The following KCNAB2 variants were observed in gnomAD, a reference collection of about 807,000 sequenced individuals.
KCNAB2 encodes the protein potassium voltage-gated channel subfamily A regulatory beta subunit 2, also known as voltage-gated potassium channel subunit beta-2.
KCNAB2 carries 29 observed loss-of-function variants against 63.6 expected under a neutral mutation model. That is an observed-to-expected ratio of 0.46 (90% confidence interval 0.34 to 0.62). KCNAB2 has a LOEUF of 0.62. Ranked by LOEUF, KCNAB2 falls within the 20% of genes least tolerant of loss-of-function variation. The pLI is 0.01. For synonymous variants in KCNAB2, 222 were observed against 224.2 expected (o/e 0.99, Z 0.09); for missense variants, 359 against 563.9 (o/e 0.64, Z 3.68).
chr1:6,031,227 T>A (rs1659604408), upstream of KCNAB2, among the ~76,000 whole-genome samples: 1 of 152,166 alleles, frequency 6.6e-6, no homozygotes, highest in South Asian at 2.1e-4. The surrounding 1 kb of genome is among the most constrained non-coding windows in gnomAD (Gnocchi z 4.1). Flanking sequence ...TTTATTTCCT[T>A]CTCTCACCTG....
chr1:6,046,207 C>T lies in KCNAB2; in HGVS notation c.-27+24C>T, dbSNP rs1660909670. ...AGGTGAGTCCTCCCTTCAGCCGCTA[C>T]CTTCCTAGTGGAGATGCCGCTTGGG... On this transcript the variant is annotated intron_variant, in intron 1 of 15. Coordinates refer to ENST00000378083, the MANE Select transcript of KCNAB2 (RefSeq NM_001199862.2). 3.0e-6 allele frequency: 3 copies of T among 985,192 alleles called. No homozygotes were observed. In the African/African-American group the frequency reaches 5.2e-5, roughly 17 times the overall value. 61.0% of individuals were successfully genotyped at this position (985,192 alleles called of 1,614,324 possible).
intron 1 of KCNAB2, among the ~76,000 whole-genome samples, chr1:5,998,176 C>T (rs763717859): frequency 6.6e-6 from 1 of 152,216 alleles, no homozygotes; most frequent in Admixed American, 6.5e-5. Context: ...AGGCCCAGTG[C>T]GGTCACAGGC....
At chr1:6,022,652 C>G (rs904643624) in intron 1 of KCNAB2, among the ~76,000 whole-genome samples, 1 of 152,150 alleles carries the variant, frequency 6.6e-6, no homozygotes, top group African/African-American at 2.4e-5. Context: ...CCCATTCCCC[C>G]TCCCCTGCCC....
At chr1:6,008,921 A>G (rs1042981446) in intron 1 of KCNAB2, among the ~76,000 whole-genome samples, 1 of 152,232 alleles carries the variant, frequency 6.6e-6, no homozygotes, top group Non-Finnish European at 1.5e-5. Context: ...GTGAGACCCC[A>G]GAGCAGCCCT....
chr1:5,998,558 C>T (rs1289592954), intron 1 of KCNAB2, among the ~76,000 whole-genome samples: 4 of 152,078 alleles, frequency 2.6e-5, no homozygotes, highest in Non-Finnish European at 5.9e-5. Flanking sequence ...GCCAAGGGTA[C>T]GGGTTTGAGA....
chr1:6,050,529 A>T (rs1399641102), intron 1 of KCNAB2, among the ~76,000 whole-genome samples: 1 of 152,242 alleles, frequency 6.6e-6, no homozygotes, highest in Non-Finnish European at 1.5e-5. Context: ...CGTTCTGGAC[A>T]CACGCTTTCT....
intron 13 of KCNAB2, 115 bp downstream of exon 13, chr1:6,095,739 CCCA>C: frequency 1.1e-6 from 1 of 951,082 alleles, no homozygotes; most frequent in Admixed American, 2.0e-5. Flanking sequence ...TGCAGCTGTT[CCCA>C]CCTCGGTCTG....
chr1:6,082,335 A>G, intron 5 of KCNAB2, 61 bp downstream of exon 5: 1 of 1,324,446 alleles, frequency 7.6e-7, no homozygotes, highest in Non-Finnish European at 1.1e-6. Flanking sequence ...CCGGAGCTAC[A>G]GGGATTCCTG....
chr1:6,044,969 C>T (rs1021107728), upstream of KCNAB2, among the ~76,000 whole-genome samples: 6 of 152,204 alleles, frequency 3.9e-5, no homozygotes, highest in Non-Finnish European at 8.8e-5. Context: ...GCAGCTACCA[C>T]CCAGTAGTGA....
rs1275368892 is a variant in KCNAB2 at position 6,028,100 on chromosome 1, G to A, written c.-52-12417G>A. 2.0e-5 allele frequency among the ~76,000 whole-genome samples: 3 copies of A among 152,154 alleles called. No homozygotes were observed. The highest frequency in any genetic ancestry group is 4.8e-5 in the African/African-American group (2 of 41,434). On this transcript the variant is annotated intron_variant, in intron 1 of 16. Coordinates refer to the KCNAB2 transcript ENST00000341524. This position sits in a 1 kb window ranked among gnomAD's most constrained non-coding sequence, Gnocchi z 4.0. The stretch of plus-strand genomic sequence containing the variant: ...CCCCATCATGACCCACCAGGCCAAC[G>A]GCCCCCTAGGGTCTTGACCCCAGTG...
In KCNAB2 at chr1:6,003,249, G is replaced by A. The variant is rs1657363458; in HGVS notation, c.-53+10461G>A. Among the ~76,000 whole-genome samples, 1 of 152,170 alleles carries A rather than the reference G, an allele frequency of 6.6e-6. No individual in the cohort carries two copies. Among genetic ancestry groups the A allele is most frequent in the African/African-American group, 2.4e-5 (1 of 41,448 alleles). On this transcript the variant is annotated intron_variant, in intron 1 of 16. Coordinates refer to the KCNAB2 transcript ENST00000341524. The surrounding 1 kb of genome is among the most constrained non-coding windows in gnomAD (Gnocchi z 4.1). ...GCTCCAGAGCCTGTGCTACAAGCCC[G>A]GGTGGCCGGAGCCTCCTGCGGGATT...
upstream of KCNAB2, among the ~76,000 whole-genome samples, chr1:6,045,407 C>G (rs2100492305): frequency 6.6e-6 from 1 of 152,298 alleles, no homozygotes; most frequent in East Asian, 1.9e-4. The surrounding 1 kb of genome is among the most constrained non-coding windows in gnomAD (Gnocchi z 4.8). Context: ...GGCCTAGTCT[C>G]AAAGCATTTC....
rs144874302 is a variant in KCNAB2, at chr1:6,010,425, G to A, written c.-53+17637G>A. Among the ~76,000 whole-genome samples the A allele has an allele frequency of 3.7e-3, 570 of 152,072 alleles. 4 individuals carry two copies. Among genetic ancestry groups the A allele is most frequent in the African/African-American group, 0.013 (528 of 41,456 alleles). ...ACCTGGGCAACATAGCAAGACCTCCGGCCCTTAAAAAAATAAAAAGTAACT... is the reference window on the plus strand; with the variant it reads ...ACCTGGGCAACATAGCAAGACCTCCAGCCCTTAAAAAAATAAAAAGTAACT... On this transcript the variant is annotated intron_variant, in intron 1 of 16. Coordinates refer to the KCNAB2 transcript ENST00000341524.
At chr1:6,097,439 G>A (rs1165321331) in intron 15 of KCNAB2, 82 bp downstream of exon 15, 26 of 1,544,338 alleles carry the variant, frequency 1.7e-5, no homozygotes, top group African/African-American at 5.5e-5. Flanking sequence ...CTCGTCCTGC[G>A]TGCCAGGCTC....
chr1:5,996,820 T>C (rs1656968730), intron 1 of KCNAB2, among the ~76,000 whole-genome samples: 2 of 152,194 alleles, frequency 1.3e-5, no homozygotes, highest in Non-Finnish European at 2.9e-5. Context: ...TCCAACTCCA[T>C]GGCTGGGAGC....
At chr1:6,080,417 G>A (rs571905904) in intron 4 of KCNAB2, among the ~76,000 whole-genome samples, 8 of 152,280 alleles carry the variant, frequency 5.3e-5, no homozygotes, top group South Asian at 4.1e-4. Flanking sequence ...CTCGGGCGGC[G>A]GATGCATTTG....
chr1:6,073,316 C>A lies in KCNAB2; in HGVS notation c.263-417C>A, dbSNP rs1302834769. Among the ~76,000 whole-genome samples the A allele has an allele frequency of 6.6e-6, 1 of 151,918 alleles. No individual in the cohort carries two copies. The highest frequency in any genetic ancestry group is 2.4e-5 in the African/African-American group (1 of 41,290). On this transcript the variant is annotated intron_variant, in intron 3 of 15. Transcript: ENST00000378083. The surrounding 1 kb of genome is among the most constrained non-coding windows in gnomAD (Gnocchi z 5.7). ...ACACACACCCCGCCCCCCACCAGCA[C>A]CCACTGCCCTGACACCGCCCTCCCC...
chr1:6,059,172 A>ATACCTGTTT (rs199856146), intron 2 of KCNAB2, among the ~76,000 whole-genome samples: 2,768 of 152,164 alleles, frequency 0.018, 95 homozygotes, highest in African/African-American at 0.059. Context: ...ATCACGGGCC[A>ATACCTGTTT]TACCTGTTTT....
At position 6,095,333 on chromosome 1, in the gene KCNAB2, C is replaced by T; in HGVS notation, c.743C>T (p.Ser248Phe). 1 of 1,612,664 alleles carries T rather than the reference C, an allele frequency of 6.2e-7. No individual in the cohort carries two copies. Among genetic ancestry groups the T allele is most frequent in the Non-Finnish European group, 8.5e-7 (1 of 1,179,928 alleles). ...WSSMEIMEAY[S>F]VARQFNLTPP... ...TTTCTGCCTTCACAGGAGGCCTACT[C>T]CGTGGCCCGGCAGTTCAACCTGACC... is the stretch of plus-strand genomic sequence containing the variant. The change falls in exon 12 of 16, where the codon TCC becomes TTC. Residue 248 changes from serine (S) to phenylalanine (F), a missense_variant. Around this residue, in one of 2 missense-constraint regions of KCNAB2, gnomAD observed 271 missense variants for 476.1 expected, o/e 0.57. Coordinates refer to ENST00000378083, the MANE Select transcript of KCNAB2 (RefSeq NM_001199862.2).
Sources: allele counts gnomAD v4.1 joint callset (sites outside exome capture counted in the v4.1 genomes callset), GRCh38; gene constraint gnomAD v4.1.1; regional missense constraint gnomAD v4.1.1; non-coding constraint Gnocchi (gnomAD v3.1); transcripts MANE v1.5; gene names NCBI Gene and HGNC (gene_info 2026-07-23, HGNC 2026-07-21).